PCNX1: variants seen among roughly 807,000 people sequenced by gnomAD.
The protein encoded by PCNX1 is pecanex 1, also known as pecanex-like protein 1.
Under a neutral mutation model 242.2 loss-of-function variants are expected in PCNX1, and 78 were observed. The ratio of observed to expected loss-of-function variants is 0.32; its 90% CI spans 0.27 to 0.39. PCNX1 has a LOEUF of 0.39. PCNX1 is among the 10% of genes least tolerant of loss of function. The probability of loss-of-function intolerance (pLI) is 1.00; values close to 1 mark genes in which losing one functional copy is unlikely to be tolerated. For missense variants in PCNX1, 2,581 were observed against 2,856.5 expected (o/e 0.90, Z 2.20); for synonymous variants, 1,024 against 1,032.9 (o/e 0.99, Z 0.17).
rs776430292 is a variant in PCNX1 at position 71,009,620 on chromosome 14, C to A, written c.2630-14C>A. Reference sequence around the variant, plus strand: ...TATTCTAATGGCTTTTTAAAATAATCATTTATTTGCTAGGTAAGTTCTCTT... The same window carrying A: ...TATTCTAATGGCTTTTTAAAATAATAATTTATTTGCTAGGTAAGTTCTCTT... On this transcript the variant is annotated splice_polypyrimidine_tract_variant and intron_variant, in intron 8 of 35. Transcript: ENST00000304743. 6.2e-6 allele frequency: 9 copies of A among 1,441,132 alleles called. No individual in the cohort carries two copies. Among genetic ancestry groups the A allele is most frequent in the Non-Finnish European group, 6.7e-6 (7 of 1,047,812 alleles). 89.3% of individuals were successfully genotyped at this position (1,441,132 alleles called of 1,614,324 possible).
chr14:70,971,466 A>G (rs1019997845), intron 5 of PCNX1, among the ~76,000 whole-genome samples: 3 of 152,182 alleles, frequency 2.0e-5, no homozygotes, highest in Non-Finnish European at 4.4e-5. Flanking sequence ...ACTTGCTTTT[A>G]TCATGCAACA....
chr14:70,915,158 A>C (rs532980607), intron 1 of PCNX1, among the ~76,000 whole-genome samples: 2 of 152,076 alleles, frequency 1.3e-5, no homozygotes, highest in African/African-American at 4.8e-5. Context: ...CAGTTTGCTC[A>C]CCTTTATCCA....
chr14:71,034,967 A>G (rs1252853819), intron 18 of PCNX1, among the ~76,000 whole-genome samples: 1 of 152,236 alleles, frequency 6.6e-6, no homozygotes, highest in Non-Finnish European at 1.5e-5. Context: ...CCAAAATCTA[A>G]TAAGTAAAAT....
At chr14:70,925,568 C>CTTTTTTTT (rs71305848) in intron 1 of PCNX1, among the ~76,000 whole-genome samples, 8 of 106,904 alleles carry the variant, frequency 7.5e-5, no homozygotes, top group East Asian at 2.7e-4. Context: ...CTTACCTCAT[C>CTTTTTTTT]TTTTTTTTTT....
intron 32 of PCNX1, among the ~76,000 whole-genome samples, chr14:71,104,627 T>C (rs1375451795): frequency 6.6e-6 from 1 of 152,134 alleles, no homozygotes; most frequent in African/African-American, 2.4e-5. Context: ...ACATTGGCAC[T>C]GGTAAGAATT....
chr14:70,999,062 T>G (rs2059432646), intron 8 of PCNX1, among the ~76,000 whole-genome samples: 1 of 152,194 alleles, frequency 6.6e-6, no homozygotes, highest in Non-Finnish European at 1.5e-5. Flanking sequence ...AAATTCTAAA[T>G]AAAACAAGCT....
intron 2 of PCNX1, among the ~76,000 whole-genome samples, chr14:70,956,001 C>G (rs1170269583): frequency 6.6e-6 from 1 of 151,852 alleles, no homozygotes; most frequent in Non-Finnish European, 1.5e-5. Flanking sequence ...GTAATTTTGT[C>G]CCCCAGGGCA....
chr14:71,108,641 G>A lies in PCNX1; in HGVS notation c.6339G>A (p.Leu2113=), dbSNP rs2062686418. ...SHSSHSVQSG[L]VRQSPARASV... ...GCTCTCACTCTGTGCAGTCGGGCCT[G>A]GTCAGACAGTCTCCTGCCCGGGCCT... Residue 2113 remains leucine, a synonymous_variant, in exon 34 of 36, where the codon CTG becomes CTA. Coordinates refer to ENST00000304743, the MANE Select transcript of PCNX1 (RefSeq NM_014982.3). 3 of 1,614,030 alleles carry A rather than the reference G, an allele frequency of 1.9e-6. No homozygotes were observed. Among genetic ancestry groups the A allele is most frequent in the Non-Finnish European group, 2.5e-6 (3 of 1,179,950 alleles).
At chr14:70,973,125 G>A (rs1247660264) in intron 5 of PCNX1, among the ~76,000 whole-genome samples, 3 of 151,874 alleles carry the variant, frequency 2.0e-5, no homozygotes, top group Admixed American at 6.6e-5. Context: ...GTGGTGCAGT[G>A]TACCTGTAGC....
intron 2 of PCNX1, among the ~76,000 whole-genome samples, chr14:70,953,152 AC>A (rs1442384595): frequency 6.6e-6 from 1 of 152,126 alleles, no homozygotes; most frequent in African/African-American, 2.4e-5. Context: ...GGTGGTGTGC[AC>A]CTGTAGTGCC....
chr14:70,955,518 A>G (rs1457347734), intron 2 of PCNX1, among the ~76,000 whole-genome samples: 1 of 152,222 alleles, frequency 6.6e-6, no homozygotes, highest in East Asian at 1.9e-4. Flanking sequence ...ACTTCTCTGT[A>G]ATTCAGATTA....
intron 3 of PCNX1, among the ~76,000 whole-genome samples, chr14:70,962,720 G>C (rs977082379): frequency 6.6e-6 from 1 of 152,200 alleles, no homozygotes; most frequent in African/African-American, 2.4e-5. Context: ...TGTTCAAGAT[G>C]TTTAATGGTA....
intron 1 of PCNX1, among the ~76,000 whole-genome samples, chr14:70,932,855 G>A (rs554665128): frequency 1.3e-5 from 2 of 151,854 alleles, no homozygotes; most frequent in African/African-American, 4.8e-5. Flanking sequence ...CAGGTGATCC[G>A]CCTGCCTCGG....
At chr14:71,014,100 G>T (rs1457654399) in intron 11 of PCNX1, among the ~76,000 whole-genome samples, 1 of 152,156 alleles carries the variant, frequency 6.6e-6, no homozygotes, top group African/African-American at 2.4e-5. Flanking sequence ...ACTGGGAATA[G>T]TACATGTCCC....
chr14:70,952,040 T>C (rs73293804), intron 2 of PCNX1, among the ~76,000 whole-genome samples: 1,800 of 152,254 alleles, frequency 0.012, 38 homozygotes, highest in African/African-American at 0.041. Flanking sequence ...TTGTAAGACA[T>C]TGGAGAAGCT....
At position 70,907,641 on chromosome 14, in the gene PCNX1, G is replaced by T; in HGVS notation, c.-210G>T. 5.8e-6 allele frequency: 2 copies of T among 346,232 alleles called. No homozygotes were observed. Among genetic ancestry groups the T allele is most frequent in the Non-Finnish European group, 8.9e-6 (2 of 224,646 alleles). The allele number at this position is 346,232 out of a possible 1,614,324, so 21.4% of individuals were successfully genotyped here. ...GCCGTCCTCCGCCCCGCCGCTCGCC[G>T]CCTCCTCCTCTCGGGTCTCCTCCTC... On this transcript the variant is annotated 5_prime_UTR_variant, in exon 1 of 36. Transcript: ENST00000304743.
chr14:70,937,714 T>C (rs1472930170), intron 1 of PCNX1, among the ~76,000 whole-genome samples: 1 of 152,214 alleles, frequency 6.6e-6, no homozygotes, highest in Non-Finnish European at 1.5e-5. Flanking sequence ...AATCTATAAA[T>C]TACCTTGGGC....
At chr14:71,018,969 T>C in intron 11 of PCNX1, 40 bp from the exon 12 acceptor site, 3 of 1,517,284 alleles carry the variant, frequency 2.0e-6, no homozygotes, top group Non-Finnish European at 2.7e-6. Context: ...TAATTTCTTA[T>C]ACTTAAGATA....
chr14:70,928,792 G>A (rs1342030457), intron 1 of PCNX1, among the ~76,000 whole-genome samples: 1 of 152,186 alleles, frequency 6.6e-6, no homozygotes, highest in African/African-American at 2.4e-5. Flanking sequence ...AGACAAATCT[G>A]TACCAGACTA....
Sources: allele counts gnomAD v4.1 joint callset (sites outside exome capture counted in the v4.1 genomes callset), GRCh38; gene constraint gnomAD v4.1.1; transcripts MANE v1.5; gene names NCBI Gene and HGNC (gene_info 2026-07-23, HGNC 2026-07-21).